The following ZP3 variants were observed in gnomAD, a reference collection of about 807,000 sequenced individuals.
The protein encoded by ZP3 is zona pellucida sperm-binding protein 3.
ZP3 carries 21 observed loss-of-function variants against 35.6 expected under a neutral mutation model. The observed-to-expected ratio is 0.59, with a 90% CI of 0.42 to 0.85. The LOEUF is 0.85. Ranked by LOEUF, ZP3 falls within the 40% of genes least tolerant of loss-of-function variation. ZP3 has a pLI of 0.00. For missense variants in ZP3, 437 were observed against 536.5 expected, an observed-to-expected ratio of 0.81 and a Z score of 1.83; for synonymous variants, 207 against 214.5, an observed-to-expected ratio of 0.96 and a Z score of 0.31.
At chr7:76,415,642 C>T (rs573343641) in intron 1 of ZP3, among the ~76,000 whole-genome samples, 115 of 150,584 alleles carry the variant, frequency 7.6e-4, no homozygotes, top group Non-Finnish European at 1.2e-3. Context: ...TACAGGCATC[C>T]GCCACCACAA....
intron 1 of ZP3, among the ~76,000 whole-genome samples, chr7:76,416,794 G>GTCTCTC (rs35844856): frequency 7.2e-4 from 98 of 135,996 alleles, no homozygotes; most frequent in Middle Eastern, 4.0e-3. Context: ...GCAGGATGCT[G>GTCTCTC]TCTCTCTCTC....
At chr7:76,397,985 T>G (rs60001269) in intron 1 of ZP3, among the ~76,000 whole-genome samples, 1 of 152,028 alleles carries the variant, frequency 6.6e-6, no homozygotes, top group South Asian at 2.1e-4. Context: ...AGACTGGGGG[T>G]AGCTTGTGGG....
At chr7:76,431,814 G>C (rs566965973) in intron 2 of ZP3, among the ~76,000 whole-genome samples, 42 of 151,866 alleles carry the variant, frequency 2.8e-4, no homozygotes, top group African/African-American at 9.4e-4. Context: ...CAGGAGAATG[G>C]CGTGAACCTG....
Position 76,441,880 on chromosome 7 carries a change from T to C in ZP3, c.1099T>C (p.Phe367Leu), listed in dbSNP as rs1184509789. The C allele has an allele frequency of 6.2e-7, 1 of 1,612,312 alleles. No homozygotes were observed. Among genetic ancestry groups the C allele is most frequent in the East Asian group, 2.2e-5 (1 of 44,830 alleles). ...EADVTVGPLI[F>L]LDRRGDHEVE... is the part of the protein sequence containing the mutation. Reference sequence around the variant, plus strand: ...AGATGTCACCGTGGGGCCACTGATCTTCCTGGACAGGAGGGGTGACCATGA... The same window carrying C: ...AGATGTCACCGTGGGGCCACTGATCCTCCTGGACAGGAGGGGTGACCATGA... Residue 367 changes from phenylalanine to leucine, a missense_variant, in exon 8 of 8, where the codon TTC (phenylalanine) becomes CTC (leucine). Physicochemically the swap from Phe to Leu is conservative, Grantham distance 22. Around this residue, in one of 6 missense-constraint regions of ZP3, gnomAD observed 11 missense variants for 30.7 expected, o/e 0.36. Transcript: ENST00000394857.
chr7:76,398,839 C>T (rs756738809), intron 1 of ZP3: 1 of 1,601,776 alleles, frequency 6.2e-7, no homozygotes, highest in Non-Finnish European at 8.5e-7. Flanking sequence ...TTTCTGTTCT[C>T]CATCCTCACA....
intron 7 of ZP3, among the ~76,000 whole-genome samples, chr7:76,440,816 C>G (rs116644195): frequency 0.17 from 25,755 of 151,746 alleles, 2,546 homozygotes; most frequent in Middle Eastern, 0.27. Context: ...CCAGGGAGAT[C>G]TGCTGTCATC....
At chr7:76,409,730 G>C (rs1272546050) in intron 1 of ZP3, 1 of 152,798 alleles carries the variant, frequency 6.5e-6, no homozygotes, top group African/African-American at 2.4e-5. Flanking sequence ...TATGTGGTTG[G>C]GGGAGGCATG....
rs555029327 is a variant in ZP3, at chr7:76,399,862, G to A, written c.-67+2065G>A. Among the ~76,000 whole-genome samples, 1,231 of 152,202 alleles carry A rather than the reference G, an allele frequency of 8.1e-3. 17 individuals are homozygous for A. Among genetic ancestry groups the A allele is most frequent in the African/African-American group, 0.028 (1,154 of 41,550 alleles). On this transcript the variant is annotated intron_variant, in intron 1 of 8. Transcript: ENST00000336517. The stretch of plus-strand genomic sequence containing the variant: ...TAAAACTAGGAGAGGGGAACCAGTG[G>A]GGTGACTTGGACCTGTAGTTCCAGC...
At chr7:76,411,608 A>G (rs972827116) in intron 1 of ZP3, among the ~76,000 whole-genome samples, 2 of 151,902 alleles carry the variant, frequency 1.3e-5, no homozygotes, top group Non-Finnish European at 2.9e-5. Context: ...ATTGCCACCC[A>G]CCTATGAGAA....
At chr7:76,400,524 C>G in intron 1 of ZP3, 1 of 1,575,278 alleles carries the variant, frequency 6.3e-7, no homozygotes, top group Non-Finnish European at 8.6e-7. Context: ...AGACGCTGCC[C>G]CAGGAGCCAC....
At chr7:76,397,667 G>A in exon 1 of ZP3, 1 of 1,613,612 alleles carries the variant, frequency 6.2e-7, no homozygotes, top group Non-Finnish European at 8.5e-7. Context: ...GAAGGCGTTG[G>A]TGGTGGCGGC....
At chr7:76,418,487 G>A (rs1461218012) in intron 1 of ZP3, among the ~76,000 whole-genome samples, 1 of 142,144 alleles carries the variant, frequency 7.0e-6, no homozygotes. Flanking sequence ...AAAGGCGGAG[G>A]TTGCAGTGAG....
At chr7:76,397,532 C>T in exon 1 of ZP3, 1 of 1,570,846 alleles carries the variant, frequency 6.4e-7, no homozygotes, top group Admixed American at 1.9e-5. Context: ...GCAGAGCGCG[C>T]CCGCGTCCTC....
At chr7:76,429,142 G>T in intron 1 of ZP3, 1 of 262,730 alleles carries the variant, frequency 3.8e-6, no homozygotes. Context: ...CTATTGCTTG[G>T]GTGTTACATG....
chr7:76,410,467 C>T (rs1293525775), intron 1 of ZP3, among the ~76,000 whole-genome samples: 1 of 151,544 alleles, frequency 6.6e-6, no homozygotes, highest in Non-Finnish European at 1.5e-5. Flanking sequence ...ATTCTCCTGC[C>T]TCAGCCTTCC....
chr7:76,406,630 T>C (rs6944415), intron 1 of ZP3, among the ~76,000 whole-genome samples: 72,000 of 151,710 alleles, frequency 0.47, 17,774 homozygotes, highest in African/African-American at 0.59. Flanking sequence ...ACTGCAGGCT[T>C]GCACCACCAC....
rs1480896326 is a variant in ZP3, at chr7:76,418,492, A to C, written c.-66-6560A>C. ...CTTGAACCTGAAAGGCGGAGGTTGC[A>C]GTGAGCCAGGATAGCACCACTGTAC... On this transcript the variant is annotated intron_variant, in intron 1 of 8. Coordinates refer to the ZP3 transcript ENST00000336517. 2.8e-5 allele frequency among the ~76,000 whole-genome samples: 4 copies of C among 141,138 alleles called. No homozygotes were observed. The Admixed American group carries it at 3.2e-4, about 11-fold the overall frequency. The allele number at this position is 141,138 out of a possible 152,430, so 92.6% of individuals were successfully genotyped here. A position where few individuals can be genotyped will look rare whatever the true frequency, so the allele number is the denominator to read the frequency against.
chr7:76,427,287 C>T lies in ZP3; in HGVS notation c.312+2011C>T, dbSNP rs1242343227. ...ATCCCAGCACTTTGGGAGGCCGAGGCGGGTGAATCACGAGGTCAGGAGTTC... is the reference window on the plus strand; with the variant it reads ...ATCCCAGCACTTTGGGAGGCCGAGGTGGGTGAATCACGAGGTCAGGAGTTC... On this transcript the variant is annotated intron_variant, in intron 1 of 7. Coordinates refer to ENST00000394857, the MANE Select transcript of ZP3 (RefSeq NM_001110354.2). Among the ~76,000 whole-genome samples the T allele has an allele frequency of 2.6e-5, 4 of 152,172 alleles. No individual in the cohort carries two copies. In the South Asian group the frequency reaches 6.2e-4, roughly 24 times the overall value.
At chr7:76,397,526 A>AGCGCGC in exon 1 of ZP3, 1 of 1,560,174 alleles carries the variant, frequency 6.4e-7, no homozygotes, top group South Asian at 1.2e-5. Context: ...ACCTGCGCAG[A>AGCGCGC]GCGCGCCCGC....
Sources: allele counts gnomAD v4.1 joint callset (sites outside exome capture counted in the v4.1 genomes callset), GRCh38; gene constraint gnomAD v4.1.1; regional missense constraint gnomAD v4.1.1; transcripts MANE v1.5; gene names NCBI Gene and HGNC (gene_info 2026-07-23, HGNC 2026-07-21).